ATXN3: variants seen among roughly 807,000 people sequenced by gnomAD.
ATXN3 encodes the protein ataxin 3.
ATXN3 carries 28 observed loss-of-function variants against 58.2 expected under a neutral mutation model. That is an observed-to-expected ratio of 0.48 (90% CI 0.36 to 0.66). The LOEUF is 0.66. Ranked by LOEUF, ATXN3 falls within the 30% of genes least tolerant of loss-of-function variation. The probability of loss-of-function intolerance (pLI) is 0.00; values close to 1 mark genes in which losing one functional copy is unlikely to be tolerated. For synonymous variants in ATXN3, 113 were observed against 138.5 expected, an observed-to-expected ratio of 0.82 and a Z score of 1.29; for missense variants, 321 against 422.1, an observed-to-expected ratio of 0.76 and a Z score of 2.10.
chr14:92,074,598 C>A (rs2060023798), intron 9 of ATXN3, among the ~76,000 whole-genome samples: 1 of 152,200 alleles, frequency 6.6e-6, no homozygotes, highest in African/African-American at 2.4e-5. Context: ...GCTCTTCCTG[C>A]AAGTTGGTTT....
upstream of ATXN3, among the ~76,000 whole-genome samples, chr14:92,053,330 T>C (rs1566884269): frequency 6.6e-6 from 1 of 152,142 alleles, no homozygotes; most frequent in Non-Finnish European, 1.5e-5. Context: ...TAAGCTAAGA[T>C]GCATGGCAAC....
intron 10 of ATXN3, among the ~76,000 whole-genome samples, chr14:92,070,431 T>C (rs540635345): frequency 2.0e-5 from 3 of 152,106 alleles, no homozygotes; most frequent in East Asian, 3.9e-4. Context: ...TACAAAAAAT[T>C]AGCCAGGCGA....
chr14:92,054,634 G>A (rs7157770), downstream of ATXN3, among the ~76,000 whole-genome samples: 41,251 of 152,022 alleles, frequency 0.27, 5,823 homozygotes, highest in East Asian at 0.36. Context: ...ATGGAGTAGC[G>A]ATTTTTTTAT....
At chr14:92,090,742 A>G (rs1037647847) in intron 5 of ATXN3, among the ~76,000 whole-genome samples, 5 of 152,224 alleles carry the variant, frequency 3.3e-5, no homozygotes, top group Non-Finnish European at 7.3e-5. Flanking sequence ...TCTCAAAATA[A>G]TAAGATAGAC....
chr14:92,066,464 C>T (rs991385450), intron 10 of ATXN3, among the ~76,000 whole-genome samples: 2 of 136,700 alleles, frequency 1.5e-5, no homozygotes, highest in Non-Finnish European at 3.1e-5. Flanking sequence ...CTTCTTTTAT[C>T]ATTTCTTTTC....
chr14:92,056,522 C>A (rs909459363), downstream of ATXN3, among the ~76,000 whole-genome samples: 10 of 152,102 alleles, frequency 6.6e-5, no homozygotes, highest in African/African-American at 2.2e-4. Flanking sequence ...AAAAACCCTA[C>A]AAATACTGAA....
rs138914909 is a variant in ATXN3 at position 92,105,705 on chromosome 14, G to A, written c.24+824C>T. 1.8e-3 allele frequency among the ~76,000 whole-genome samples: 280 copies of A among 152,258 alleles called. 1 individual carries two copies. The highest frequency in any genetic ancestry group is 6.5e-3 in the African/African-American group (270 of 41,532). The stretch of plus-strand genomic sequence containing the variant: ...GGCTGGATAATAGTATGAGAGAAAC[G>A]AGGAGTTTCTTTACATATCACAAAC... On this transcript the variant is annotated intron_variant, in intron 1 of 10. Coordinates refer to ENST00000644486, the MANE Select transcript of ATXN3 (RefSeq NM_004993.6).
At chr14:92,071,399 G>A (rs10467857) in intron 9 of ATXN3, among the ~76,000 whole-genome samples, 1 of 151,522 alleles carries the variant, frequency 6.6e-6, no homozygotes, top group Non-Finnish European at 1.5e-5. Flanking sequence ...AGTTTGACAC[G>A]AGCCTGGACA....
intron 2 of ATXN3, 194 bp downstream of exon 2, chr14:92,096,480 C>T (rs533719629): frequency 2.7e-5 from 21 of 768,868 alleles, no homozygotes; most frequent in Admixed American, 5.9e-5. Context: ...AAAAATTAGC[C>T]GGGCATAGTG....
At chr14:92,076,275 C>T (rs1447841730) in intron 9 of ATXN3, among the ~76,000 whole-genome samples, 2 of 151,348 alleles carry the variant, frequency 1.3e-5, no homozygotes, top group Non-Finnish European at 3.0e-5. Flanking sequence ...GTGAAACCCC[C>T]TCTCTACTAA....
chr14:92,097,638 G>GC (rs2141181225), intron 1 of ATXN3, among the ~76,000 whole-genome samples: 1 of 151,258 alleles, frequency 6.6e-6, no homozygotes, highest in Non-Finnish European at 1.5e-5. Flanking sequence ...CCATTCTCCT[G>GC]CCTCAGCCTA....
At chr14:92,074,597 G>T (rs2060023318) in intron 9 of ATXN3, among the ~76,000 whole-genome samples, 1 of 152,170 alleles carries the variant, frequency 6.6e-6, no homozygotes, top group African/African-American at 2.4e-5. Context: ...AGCTCTTCCT[G>T]CAAGTTGGTT....
intron 4 of ATXN3, 51 bp from the exon 5 acceptor site, chr14:92,093,369 T>C (rs2064342933): frequency 1.1e-6 from 1 of 871,902 alleles, no homozygotes; most frequent in East Asian, 2.7e-5. Flanking sequence ...TTCATATTTA[T>C]GTTGTCTACT....
chr14:92,066,636 C>T, intron 10 of ATXN3, among the ~76,000 whole-genome samples: 1 of 121,866 alleles, frequency 8.2e-6, no homozygotes, highest in East Asian at 2.4e-4. Context: ...GAGACAAGGT[C>T]TCGCTCTGTC....
chr14:92,104,702 G>A (rs1330965460), intron 1 of ATXN3, among the ~76,000 whole-genome samples: 1 of 151,266 alleles, frequency 6.6e-6, no homozygotes, highest in Admixed American at 6.6e-5. Context: ...GAGGCGGGCG[G>A]ACCACCTGTC....
intron 1 of ATXN3, among the ~76,000 whole-genome samples, chr14:92,098,539 A>C (rs1453275647): frequency 6.6e-6 from 1 of 152,140 alleles, no homozygotes; most frequent in Non-Finnish European, 1.5e-5. Flanking sequence ...GTGAGCCAAG[A>C]CCATGCCACT....
At position 92,070,941 on chromosome 14, in the gene ATXN3, C is replaced by A; in HGVS notation, c.985G>T (p.Asp329Tyr). ...AATGGTGAGCAGGCCTTACCTAGATCACTCCCAAGTGCTCCTGAACTGGTG... is the reference window on the plus strand; with the variant it reads ...AATGGTGAGCAGGCCTTACCTAGATAACTCCCAAGTGCTCCTGAACTGGTG... ...PATSSGALGS[D>Y]LGDAMSEEDM... The change falls in exon 10 of 11, where the codon GAT becomes TAT. Residue 329 changes from aspartate (D) to tyrosine (Y), a missense_variant. Physicochemically the swap from Asp to Tyr is radical, Grantham distance 160. Coordinates refer to ENST00000644486, the MANE Select transcript of ATXN3 (RefSeq NM_004993.6). The A allele has an allele frequency of 6.3e-7, 1 of 1,599,038 alleles. No individual in the cohort carries two copies. Among genetic ancestry groups the A allele is most frequent in the Admixed American group, 1.7e-5 (1 of 58,692 alleles).
At chr14:92,081,465 C>CAAAAAAAAAAAAAAAAAGAAAA (rs2061449356) in intron 8 of ATXN3, among the ~76,000 whole-genome samples, 1 of 82,976 alleles carries the variant, frequency 1.2e-5, no homozygotes, top group Non-Finnish European at 2.5e-5. Context: ...GACTCTGACT[C>CAAAAAAAAAAAAAAAAAGAAAA]AAAAAAAAAA....
chr14:92,091,222 G>A (rs1045691455), intron 5 of ATXN3, among the ~76,000 whole-genome samples: 2 of 152,124 alleles, frequency 1.3e-5, no homozygotes, highest in African/African-American at 4.8e-5. Context: ...AGGCAGAGAC[G>A]GACGGATCAC....
Sources: gnomAD v4.1 joint callset for allele counts (sites outside exome capture counted in the v4.1 genomes callset) on GRCh38, gnomAD v4.1.1 for gene constraint, MANE v1.5 for transcripts, NCBI Gene and HGNC (gene_info 2026-07-23, HGNC 2026-07-21) for gene names.